Variants in APP observed in about 807,000 individuals in gnomAD.
APP encodes the protein amyloid-beta precursor protein.
Under a neutral mutation model 101.4 loss-of-function variants are expected in APP, and 31 were observed. The observed-to-expected ratio is 0.31, with a 90% CI of 0.23 to 0.41. The LOEUF is 0.41. Among genes scored for constraint, APP ranks in the 10% least tolerant of loss-of-function variants. The pLI is 1.00. For missense variants in APP, 839 were observed against 1,003.7 expected, an observed-to-expected ratio of 0.84 and a Z score of 2.22; for synonymous variants, 366 against 364.4, an observed-to-expected ratio of 1.00 and a Z score of -0.05.
chr21:26,019,714 AC>A (rs11295675), intron 6 of APP, among the ~76,000 whole-genome samples: 152,312 of 152,312 alleles, frequency 1, 76,156 homozygotes, highest in Non-Finnish European at 1. Flanking sequence ...ATGGAGATTC[AC>A]CAAGGACTTT....
At chr21:25,889,926 G>T (rs1036567592) in intron 17 of APP, among the ~76,000 whole-genome samples, 6 of 152,042 alleles carry the variant, frequency 3.9e-5, no homozygotes, top group African/African-American at 1.4e-4. Context: ...AGCAAAAAAG[G>T]GGTCTTGAAT....
rs9984059 is a variant in APP at position 25,945,633 on chromosome 21, A to C, written c.1687+8957T>G. 1.2e-5 allele frequency: 3 copies of C among 256,530 alleles called. No individual in the cohort carries two copies. In the East Asian group the frequency reaches 4.1e-4, roughly 35 times the overall value. 15.9% of individuals were successfully genotyped at this position (256,530 alleles called of 1,614,324 possible). A position where few individuals can be genotyped will look rare whatever the true frequency, so the allele number is the denominator to read the frequency against. ...GAACTAAGAATTAAGAAATAAACCC[A>C]TATTATCTATGGACAATTGATTTTG... On this transcript the variant is annotated intron_variant, in intron 13 of 17. Coordinates refer to ENST00000346798, the MANE Select transcript of APP (RefSeq NM_000484.4).
Position 26,170,720 on chromosome 21 carries a change from C to A in APP, c.-100G>T. 2 of 1,258,742 alleles carry A rather than the reference C, an allele frequency of 1.6e-6. No individual in the cohort carries two copies. Among genetic ancestry groups the A allele is most frequent in the Non-Finnish European group, 2.1e-6 (2 of 954,356 alleles). The allele number at this position is 1,258,742 out of a possible 1,614,324, so 78.0% of individuals were successfully genotyped here. Reference sequence around the variant, plus strand: ...CCACCGCCGCCGTCTCCCGGGGCCCCCGCGCACGCTCCTCCGCGTGCTCTC... The same window carrying A: ...CCACCGCCGCCGTCTCCCGGGGCCCACGCGCACGCTCCTCCGCGTGCTCTC... On this transcript the variant is annotated 5_prime_UTR_variant, in exon 1 of 18. Coordinates refer to ENST00000346798, the MANE Select transcript of APP (RefSeq NM_000484.4).
intron 1 of APP, among the ~76,000 whole-genome samples, chr21:26,144,077 T>A (rs1156870084): frequency 6.6e-6 from 1 of 152,038 alleles, no homozygotes. Context: ...CTTCTTCACA[T>A]GGTGGCAGGA....
intron 3 of APP, among the ~76,000 whole-genome samples, chr21:26,062,240 C>T (rs974509141): frequency 6.7e-6 from 1 of 150,250 alleles, no homozygotes; most frequent in African/African-American, 2.4e-5. Context: ...AACACACACA[C>T]ACACACACAC....
At chr21:25,945,074 C>A (rs1036704378) in intron 13 of APP, among the ~76,000 whole-genome samples, 9 of 152,190 alleles carry the variant, frequency 5.9e-5, no homozygotes, top group African/African-American at 2.2e-4. Flanking sequence ...GGTGCCCACA[C>A]ATGCACAAAA....
At chr21:26,071,499 T>G (rs1453400216) in intron 3 of APP, among the ~76,000 whole-genome samples, 1 of 152,232 alleles carries the variant, frequency 6.6e-6, no homozygotes, top group Non-Finnish European at 1.5e-5. Flanking sequence ...GCTCCCATTT[T>G]ATATTTAACA....
chr21:26,094,305 G>A (rs1335799727), intron 2 of APP, among the ~76,000 whole-genome samples: 1 of 151,886 alleles, frequency 6.6e-6, no homozygotes, highest in Non-Finnish European at 1.5e-5. Flanking sequence ...TATTTAAGGG[G>A]GAGAACATTA....
chr21:26,081,598 T>C (rs2061600537), intron 3 of APP, among the ~76,000 whole-genome samples: 1 of 152,218 alleles, frequency 6.6e-6, no homozygotes, highest in Admixed American at 6.5e-5. Context: ...CTTCGGGCCA[T>C]CTGGGCGAAT....
intron 17 of APP, among the ~76,000 whole-genome samples, chr21:25,884,405 CCTT>C (rs1001121099): frequency 2.4e-4 from 36 of 152,232 alleles, no homozygotes; most frequent in Admixed American, 1.3e-4. Context: ...GCTTCACTGT[CCTT>C]CTGGGAGCAA....
chr21:25,977,061 G>A (rs185028200), intron 9 of APP, among the ~76,000 whole-genome samples: 2 of 152,232 alleles, frequency 1.3e-5, no homozygotes, highest in East Asian at 1.9e-4. Context: ...ATCCAGGCTG[G>A]GGTATTCTAT....
intron 1 of APP, among the ~76,000 whole-genome samples, chr21:26,120,189 C>T (rs1463276753): frequency 6.6e-6 from 1 of 152,166 alleles, no homozygotes; most frequent in Non-Finnish European, 1.5e-5. Flanking sequence ...GAAATTAACA[C>T]AGTCATGTAT....
At chr21:26,111,949 G>A (rs952177830) in intron 2 of APP, 30 bp downstream of exon 2, 16 of 1,612,808 alleles carry the variant, frequency 9.9e-6, no homozygotes, top group Admixed American at 1.7e-5. Context: ...GTGATCCAAC[G>A]TGAATTGCTA....
At chr21:25,913,685 T>G (rs747469375) in intron 13 of APP, among the ~76,000 whole-genome samples, 1 of 152,246 alleles carries the variant, frequency 6.6e-6, no homozygotes, top group Non-Finnish European at 1.5e-5. Flanking sequence ...CTTGGGTCTG[T>G]GGTATCTACT....
chr21:25,927,896 G>A (rs975054526), intron 13 of APP, among the ~76,000 whole-genome samples: 1 of 152,144 alleles, frequency 6.6e-6, no homozygotes, highest in Non-Finnish European at 1.5e-5. Context: ...TCAAGATAAA[G>A]ACCAGCCAGG....
chr21:25,895,089 AAAAGT>A (rs1338485841), intron 16 of APP, among the ~76,000 whole-genome samples: 6 of 148,110 alleles, frequency 4.1e-5, no homozygotes, highest in African/African-American at 1.5e-4. Context: ...TTTTACTAAT[AAAAGT>A]AAAGTATATA....
At chr21:26,017,112 T>C (rs889257673) in intron 6 of APP, among the ~76,000 whole-genome samples, 3 of 144,500 alleles carry the variant, frequency 2.1e-5, no homozygotes, top group African/African-American at 7.8e-5. Flanking sequence ...AGCGGGAGAA[T>C]GGTGTGAACC....
At chr21:25,896,808 C>T (rs2038080877) in intron 16 of APP, among the ~76,000 whole-genome samples, 1 of 152,078 alleles carries the variant, frequency 6.6e-6, no homozygotes, top group Admixed American at 6.5e-5. Context: ...CCTGCTCACT[C>T]CATGATCTTA....
At chr21:26,063,683 A>C (rs532104837) in intron 3 of APP, among the ~76,000 whole-genome samples, 30 of 152,318 alleles carry the variant, frequency 2.0e-4, no homozygotes, top group African/African-American at 7.0e-4. Flanking sequence ...AAATGACTGA[A>C]TGAATGAATA....
Sources: gnomAD v4.1 joint callset for allele counts (sites outside exome capture counted in the v4.1 genomes callset) on GRCh38, gnomAD v4.1.1 for gene constraint, MANE v1.5 for transcripts, NCBI Gene and HGNC (gene_info 2026-07-23, HGNC 2026-07-21) for gene names.